SRGN: variants seen among roughly 807,000 people sequenced by gnomAD.
The protein encoded by SRGN is serglycin, also known as hematopoetic proteoglycan core peptide.
Under a neutral mutation model 9.5 loss-of-function variants are expected in SRGN, and 2 were observed. That is an observed-to-expected ratio of 0.21 (90% CI 0.09 to 0.66). The LOEUF is 0.66. SRGN is among the 30% of genes least tolerant of loss of function. The probability of loss-of-function intolerance (pLI) is 0.83; values close to 1 mark genes in which losing one functional copy is unlikely to be tolerated. For synonymous variants in SRGN, 59 were observed against 72.3 expected, an observed-to-expected ratio of 0.82 and a Z score of 0.93; for missense variants, 170 against 192.4, an observed-to-expected ratio of 0.88 and a Z score of 0.69.
At chr10:69,089,264 G>T (rs193289659) in intron 1 of SRGN, among the ~76,000 whole-genome samples, 104 of 152,256 alleles carry the variant, frequency 6.8e-4, no homozygotes, top group African/African-American at 2.4e-3. Context: ...GCTGAAAAAA[G>T]AGCAAGTAAT....
At chr10:69,097,301 C>T (rs968000678) in intron 2 of SRGN, 70 bp downstream of exon 2, 7 of 1,410,354 alleles carry the variant, frequency 5.0e-6, no homozygotes, top group Non-Finnish European at 6.8e-6. Context: ...ACTTTTCTTG[C>T]CCAGGCTGGA....
rs149298265 is a variant in SRGN at position 69,089,247 on chromosome 10, T to C, written c.79+1011T>C. 2.0e-5 allele frequency among the ~76,000 whole-genome samples: 3 copies of C among 152,358 alleles called. No homozygotes were observed. In the East Asian group the frequency reaches 5.8e-4, roughly 29 times the overall value. On this transcript the variant is annotated intron_variant, in intron 1 of 2. Coordinates refer to ENST00000242465, the MANE Select transcript of SRGN (RefSeq NM_002727.4). ...TTATAAAATCATTTTCTTCTAGTTATGCTAATGCTGAAAAAAGAGCAAGTA... is the reference window on the plus strand; with the variant it reads ...TTATAAAATCATTTTCTTCTAGTTACGCTAATGCTGAAAAAAGAGCAAGTA...
intron 2 of SRGN, chr10:69,098,594 T>C (rs1052525960): frequency 1.3e-5 from 2 of 151,384 alleles, no homozygotes; most frequent in East Asian, 3.9e-4. Flanking sequence ...CTGGGCAACA[T>C]AGTGAGACCC....
intron 2 of SRGN, among the ~76,000 whole-genome samples, chr10:69,100,490 A>G (rs1177821506): frequency 6.6e-6 from 1 of 152,236 alleles, no homozygotes; most frequent in Non-Finnish European, 1.5e-5. Flanking sequence ...AAATTCTCCA[A>G]AAGAACTCTT....
At chr10:69,103,680 AAC>A (rs1199306306) in intron 2 of SRGN, among the ~76,000 whole-genome samples, 189 bp from the exon 3 acceptor site, 2 of 152,198 alleles carry the variant, frequency 1.3e-5, no homozygotes, top group East Asian at 3.8e-4. Context: ...AGTATAGGCA[AAC>A]ACATAGGAAC....
In SRGN at chr10:69,104,314, T is replaced by G; in HGVS notation, c.*194T>G. ...GCTTTAATGCTGTTATCTATTTTAT[T>G]GTTCTTGAAAATACCTGCATTTTTT... On this transcript the variant is annotated 3_prime_UTR_variant, in exon 3 of 3. Coordinates refer to ENST00000242465, the MANE Select transcript of SRGN (RefSeq NM_002727.4). The G allele has an allele frequency of 1.7e-6, 1 of 606,060 alleles. No individual in the cohort carries two copies. Among genetic ancestry groups the G allele is most frequent in the East Asian group, 3.8e-5 (1 of 26,542 alleles). The allele number at this position is 606,060 out of a possible 1,614,324, so 37.5% of individuals were successfully genotyped here.
intron 2 of SRGN, among the ~76,000 whole-genome samples, chr10:69,103,000 C>T (rs532409514): frequency 6.6e-6 from 1 of 151,804 alleles, no homozygotes; most frequent in Non-Finnish European, 1.5e-5. Flanking sequence ...AGTGCAGTGG[C>T]GCGATCTCGG....
Position 69,101,142 on chromosome 10 carries a change from T to C in SRGN, c.228-2729T>C, listed in dbSNP as rs557825556. On this transcript the variant is annotated intron_variant, in intron 2 of 2. Transcript: ENST00000242465. Reference sequence around the variant, plus strand: ...ACTATGCCCAGCTAATTTTTGTATTTTTGGTAGAGACGGGGTTTTGCCATG... The same window carrying C: ...ACTATGCCCAGCTAATTTTTGTATTCTTGGTAGAGACGGGGTTTTGCCATG... Among the ~76,000 whole-genome samples the C allele has an allele frequency of 4.4e-3, 675 of 152,088 alleles. 5 individuals are homozygous for C. Among genetic ancestry groups the C allele is most frequent in the African/African-American group, 0.016 (653 of 41,474 alleles).
upstream of SRGN, among the ~76,000 whole-genome samples, chr10:69,087,858 G>A (rs888143683): frequency 5.9e-5 from 9 of 151,758 alleles, no homozygotes; most frequent in Non-Finnish European, 1.3e-4. Flanking sequence ...CTGTTTCGGT[G>A]GGAAAAAAAA....
rs572693658 is a variant in SRGN at position 69,093,120 on chromosome 10, C to T, written c.80-3964C>T. ...TGATACTCAGTGCATCAGCGGCTTG[C>T]AGAAGAGACTGCCTAGGCCTGCTCT... On this transcript the variant is annotated intron_variant, in intron 1 of 2. Coordinates refer to ENST00000242465, the MANE Select transcript of SRGN (RefSeq NM_002727.4). 1.5e-4 allele frequency among the ~76,000 whole-genome samples: 23 copies of T among 152,268 alleles called. No individual in the cohort carries two copies. The South Asian group carries it at 3.9e-3, about 26-fold the overall frequency.
rs1451955355 is a variant in SRGN, at chr10:69,104,375, T to C, written c.*255T>C. ...TCAACCAACATCATTATGAAATTAA[T>C]TAGATTCCCATGGCCATAAAATGGC... On this transcript the variant is annotated 3_prime_UTR_variant, in exon 3 of 3. Transcript: ENST00000242465. 1 of 283,632 alleles carries C rather than the reference T, an allele frequency of 3.5e-6. No homozygotes were observed. The highest frequency in any genetic ancestry group is 6.5e-6 in the Non-Finnish European group (1 of 153,832). The allele number at this position is 283,632 out of a possible 1,614,324, so 17.6% of individuals were successfully genotyped here.
At chr10:69,101,000 T>TCTTTCTTTCTTTCTTTCTTTC in intron 2 of SRGN, among the ~76,000 whole-genome samples, 1 of 151,280 alleles carries the variant, frequency 6.6e-6, no homozygotes, top group African/African-American at 2.4e-5. Context: ...TTTTTTTTTT[T>TCTTTCTTTCTTTCTTTCTTTC]TTACAGAGTC....
At chr10:69,093,432 A>G (rs961184433) in intron 1 of SRGN, among the ~76,000 whole-genome samples, 1 of 152,142 alleles carries the variant, frequency 6.6e-6, no homozygotes, top group African/African-American at 2.4e-5. Context: ...TTGTGTTTCT[A>G]TTGGACAAAG....
chr10:69,092,262 C>A (rs1319684083), intron 1 of SRGN, among the ~76,000 whole-genome samples: 1 of 152,152 alleles, frequency 6.6e-6, no homozygotes, highest in Admixed American at 6.6e-5. Context: ...ACTCTCACAA[C>A]CTCAGGGGCT....
At chr10:69,098,321 C>T (rs4746814) in intron 2 of SRGN, among the ~76,000 whole-genome samples, 1,829 of 152,322 alleles carry the variant, frequency 0.012, 22 homozygotes, top group East Asian at 0.039. Flanking sequence ...GAAGGCCAGA[C>T]ACCAAAAGCC....
At chr10:69,101,193 G>A (rs1181256368) in intron 2 of SRGN, among the ~76,000 whole-genome samples, 1 of 151,934 alleles carries the variant, frequency 6.6e-6, no homozygotes, top group African/African-American at 2.4e-5. Context: ...TTGAACTTCT[G>A]ACCCCAAATG....
At chr10:69,094,751 G>A (rs979290783) in intron 1 of SRGN, among the ~76,000 whole-genome samples, 1 of 151,732 alleles carries the variant, frequency 6.6e-6, no homozygotes, top group African/African-American at 2.4e-5. Context: ...ACCACATCCA[G>A]CTAATTTTTA....
intron 1 of SRGN, 132 bp from the exon 2 acceptor site, chr10:69,096,952 G>C: frequency 1.2e-6 from 1 of 829,638 alleles, no homozygotes; most frequent in Non-Finnish European, 1.8e-6. Context: ...TATGATCACA[G>C]TACTGCACTC....
intron 1 of SRGN, among the ~76,000 whole-genome samples, chr10:69,092,794 C>A (rs1179050446): frequency 8.8e-3 from 1,034 of 117,882 alleles, no homozygotes; most frequent in Admixed American, 8.9e-3. Flanking sequence ...ACTCTGTCTC[C>A]AAAAAAAAAA....
Sources: gnomAD v4.1 joint callset for allele counts (sites outside exome capture counted in the v4.1 genomes callset) on GRCh38, gnomAD v4.1.1 for gene constraint, MANE v1.5 for transcripts, NCBI Gene and HGNC (gene_info 2026-07-23, HGNC 2026-07-21) for gene names.